CFAP69: variants seen among roughly 807,000 people sequenced by gnomAD.
CFAP69 encodes cilia and flagella associated protein 69.
Under a neutral mutation model 123.0 loss-of-function variants are expected in CFAP69, and 92 were observed. The observed-to-expected ratio is 0.75, with a 90% confidence interval of 0.63 to 0.89. The LOEUF (loss-of-function observed/expected upper bound fraction) is 0.89, where lower values mean the gene tolerates loss of function less well. Among genes scored for constraint, CFAP69 ranks in the 40% least tolerant of loss-of-function variants. The pLI, the probability that CFAP69 is intolerant of heterozygous loss-of-function variation, is 0.00. For missense variants in CFAP69, 1,067 were observed against 1,096.9 expected (o/e 0.97, Z 0.39); for synonymous variants, 380 against 364.3 (o/e 1.04, Z -0.49).
chr7:90,303,722 T>C, intron 17 of CFAP69: 1 of 1,048,512 alleles, frequency 9.5e-7, no homozygotes. Flanking sequence ...TTTTAAAAAG[T>C]AATTTTGTGA....
chr7:90,268,550 A>G (rs745564955), intron 6 of CFAP69, among the ~76,000 whole-genome samples, 166 bp downstream of exon 6: 2 of 152,126 alleles, frequency 1.3e-5, no homozygotes, highest in Non-Finnish European at 2.9e-5. Context: ...AAAGTTATAT[A>G]TGTATTTTTC....
intron 3 of CFAP69, among the ~76,000 whole-genome samples, chr7:90,259,322 T>C (rs1798018903): frequency 6.6e-6 from 1 of 152,148 alleles, no homozygotes; most frequent in Admixed American, 6.5e-5. Context: ...GACAGGAGGA[T>C]TGCTGAAACC....
intron 17 of CFAP69, chr7:90,300,416 T>C (rs917240215): frequency 6.9e-5 from 59 of 851,934 alleles, no homozygotes; most frequent in Non-Finnish European, 8.3e-5. Flanking sequence ...AATATTTTGG[T>C]ATTTTATACA....
chr7:90,303,856 C>A, intron 17 of CFAP69, 113 bp from the exon 18 acceptor site: 1 of 1,296,300 alleles, frequency 7.7e-7, no homozygotes, highest in Non-Finnish European at 1.0e-6. Flanking sequence ...TATTTTTTTG[C>A]TACAATATTT....
intron 1 of CFAP69, among the ~76,000 whole-genome samples, chr7:90,248,736 G>A (rs1208414865): frequency 6.6e-6 from 1 of 152,064 alleles, no homozygotes; most frequent in Non-Finnish European, 1.5e-5. Context: ...AGTGATTCCA[G>A]CGTCTTCTTT....
chr7:90,313,788 C>T (rs929792055), downstream of CFAP69, among the ~76,000 whole-genome samples: 8 of 152,126 alleles, frequency 5.3e-5, no homozygotes, highest in Non-Finnish European at 1.0e-4. Context: ...TAGATATTCC[C>T]TCCTCAAGAA....
intron 15 of CFAP69, among the ~76,000 whole-genome samples, chr7:90,293,119 G>A (rs1443620702): frequency 6.6e-6 from 1 of 152,084 alleles, no homozygotes; most frequent in African/African-American, 2.4e-5. Flanking sequence ...CCATCATTTT[G>A]GAACACATAC....
At chr7:90,315,444 C>A (rs929439046), downstream of CFAP69, among the ~76,000 whole-genome samples, 1 of 152,196 alleles carries the variant, frequency 6.6e-6, no homozygotes, top group Non-Finnish European at 1.5e-5. Flanking sequence ...GAGATCATGT[C>A]TTTTGCAAGA....
intron 17 of CFAP69, chr7:90,301,169 A>T (rs1792747239): frequency 6.6e-6 from 1 of 151,942 alleles, no homozygotes; most frequent in East Asian, 1.9e-4. Context: ...ACAGGGTTTC[A>T]CCATGTTGGC....
chr7:90,277,952 T>C (rs17866981), intron 11 of CFAP69, among the ~76,000 whole-genome samples: 71 of 152,250 alleles, frequency 4.7e-4, no homozygotes, highest in African/African-American at 1.7e-3. Flanking sequence ...AAGATTATAA[T>C]GCTTCAGCTC....
rs543414647 is a variant in CFAP69, at chr7:90,255,221, C to G, written c.121-202C>G. On this transcript the variant is annotated intron_variant, in intron 1 of 22. Coordinates refer to ENST00000389297, the MANE Select transcript of CFAP69 (RefSeq NM_001039706.3). ...TAAAACATTAAGATTATACAAAATA[C>G]TAGAATTCAGGAGGGGTTTTTTACT... Among the ~76,000 whole-genome samples the G allele has an allele frequency of 7.7e-4, 118 of 152,314 alleles. 2 individuals are homozygous for G. Among genetic ancestry groups the G allele is most frequent in the African/African-American group, 2.8e-3 (115 of 41,586 alleles).
At chr7:90,303,134 G>A (rs1158807080) in intron 17 of CFAP69, 6 of 152,060 alleles carry the variant, frequency 3.9e-5, no homozygotes, top group African/African-American at 1.4e-4. Flanking sequence ...TTGTTGGTGT[G>A]TAGGAATGCT....
intron 6 of CFAP69, among the ~76,000 whole-genome samples, chr7:90,269,866 G>C (rs1182620597): frequency 6.6e-6 from 1 of 152,122 alleles, no homozygotes. Context: ...TGTAGGCAGA[G>C]GAGCTAGAAG....
chr7:90,294,369 A>T (rs558054033), intron 15 of CFAP69, among the ~76,000 whole-genome samples: 2 of 152,230 alleles, frequency 1.3e-5, no homozygotes, highest in African/African-American at 4.8e-5. Flanking sequence ...TGAACTGAAC[A>T]TCATTCTACT....
intron 2 of CFAP69, among the ~76,000 whole-genome samples, chr7:90,256,672 A>G (rs1299884034): frequency 6.6e-6 from 1 of 152,204 alleles, no homozygotes; most frequent in Non-Finnish European, 1.5e-5. Flanking sequence ...AAGGAGAAAA[A>G]GTGACTATTG....
intron 6 of CFAP69, among the ~76,000 whole-genome samples, chr7:90,270,657 C>T (rs1002859604): frequency 6.6e-6 from 1 of 151,998 alleles, no homozygotes; most frequent in Non-Finnish European, 1.5e-5. Flanking sequence ...TGACAGATAC[C>T]TCAGAACTAG....
chr7:90,265,405 G>A, intron 5 of CFAP69, 28 bp downstream of exon 5: 1 of 1,473,876 alleles, frequency 6.8e-7, no homozygotes, highest in Non-Finnish European at 9.5e-7. Flanking sequence ...TAAGGTATAG[G>A]GATGTAACAT....
intron 8 of CFAP69, chr7:90,272,177 T>TA: frequency 2.5e-6 from 1 of 396,044 alleles, no homozygotes; most frequent in Non-Finnish European, 4.5e-6. Flanking sequence ...TTCTTAACAC[T>TA]AAAATATAAC....
intron 5 of CFAP69, among the ~76,000 whole-genome samples, chr7:90,267,828 A>T (rs1282143651): frequency 6.6e-6 from 1 of 152,248 alleles, no homozygotes; most frequent in East Asian, 1.9e-4. Flanking sequence ...CACATGTAGA[A>T]CTTACAACAT....
Sources: gnomAD v4.1 joint callset for allele counts (sites outside exome capture counted in the v4.1 genomes callset) on GRCh38, gnomAD v4.1.1 for gene constraint, MANE v1.5 for transcripts, NCBI Gene and HGNC (gene_info 2026-07-23, HGNC 2026-07-21) for gene names.